The following IFT70B variants were observed in gnomAD, a reference collection of about 807,000 sequenced individuals.
The protein encoded by IFT70B is intraflagellar transport protein 70B.
the IFT70B span, chr2:177,552,097 G>A: frequency 1.2e-6 from 2 of 1,614,232 alleles, no homozygotes; most frequent in Non-Finnish European, 1.7e-6. Context: ...CCTAGCTCAG[G>A]GTGCTGGCGG....
the IFT70B span, chr2:177,552,729 C>G: frequency 6.3e-7 from 1 of 1,585,540 alleles, no homozygotes; most frequent in Non-Finnish European, 8.6e-7. Context: ...GGTGAACTCC[C>G]CGTCGGGGAT....
chr2:177,550,761 T>A, the IFT70B span: 5 of 1,579,794 alleles, frequency 3.2e-6, no homozygotes, highest in African/African-American at 6.8e-5. Context: ...CACTATCAGC[T>A]ATTACTATAT....
At chr2:177,550,598 T>C in the IFT70B span, 2 of 561,740 alleles carry the variant, frequency 3.6e-6, no homozygotes, top group South Asian at 3.4e-5. Context: ...TCTTAGAATA[T>C]GTCACTTTCT....
the IFT70B span, chr2:177,550,901 A>G: frequency 6.2e-7 from 1 of 1,614,126 alleles, no homozygotes; most frequent in Admixed American, 1.7e-5. Flanking sequence ...TTCTGCCATG[A>G]AGTTCACAGT....
At chr2:177,550,079 C>G in the IFT70B span, 1 of 152,152 alleles carries the variant, frequency 6.6e-6, no homozygotes, top group Non-Finnish European at 1.5e-5. Flanking sequence ...AAAAAGTTAT[C>G]ATGGAAAATA....
chr2:177,550,100 A>G, the IFT70B span: 1 of 152,240 alleles, frequency 6.6e-6, no homozygotes, highest in Non-Finnish European at 1.5e-5. Flanking sequence ...GTAACAGTGT[A>G]TCTTGTTCAT....
At chr2:177,549,169 T>C in the IFT70B span, 1 of 152,348 alleles carries the variant, frequency 6.6e-6, no homozygotes, top group South Asian at 2.1e-4. Context: ...TTCCCAGACA[T>C]TGAATGTGCT....
the IFT70B span, chr2:177,551,899 T>A: frequency 6.2e-7 from 1 of 1,614,150 alleles, no homozygotes; most frequent in Non-Finnish European, 8.5e-7. Flanking sequence ...TTGTGTAGGG[T>A]CACAGGGTCC....
At chr2:177,552,662 C>G in the IFT70B span, 1 of 1,590,730 alleles carries the variant, frequency 6.3e-7, no homozygotes, top group Non-Finnish European at 8.6e-7. Context: ...GTTCTCCGCC[C>G]AGCAGCTGCA....
At chr2:177,551,424 A>G in the IFT70B span, 1 of 1,614,192 alleles carries the variant, frequency 6.2e-7, no homozygotes, top group Non-Finnish European at 8.5e-7. Context: ...AGATTTGCGG[A>G]AGATCTTTTC....
the IFT70B span, chr2:177,550,836 T>A: frequency 7.4e-6 from 12 of 1,614,018 alleles, no homozygotes; most frequent in Non-Finnish European, 9.3e-6. Context: ...GACTGTATTC[T>A]TTCCAACATG....
chr2:177,552,439 G>A, the IFT70B span: 2 of 1,613,234 alleles, frequency 1.2e-6, no homozygotes, highest in Non-Finnish European at 1.7e-6. Flanking sequence ...TGGTAGGCGG[G>A]GTTATCCAGG....
At chr2:177,549,124 C>T in the IFT70B span, 1 of 152,134 alleles carries the variant, frequency 6.6e-6, no homozygotes, top group Non-Finnish European at 1.5e-5. Context: ...ACTGCAGCAA[C>T]ACTTTTAGTA....
the IFT70B span, chr2:177,551,792 G>A: frequency 3.1e-6 from 5 of 1,614,124 alleles, no homozygotes; most frequent in Non-Finnish European, 4.2e-6. Flanking sequence ...GCAACAGGTT[G>A]CCAAAAGTCT....
chr2:177,549,919 T>G, the IFT70B span: 1 of 152,308 alleles, frequency 6.6e-6, no homozygotes, highest in South Asian at 2.1e-4. Context: ...TTTGTGCCAG[T>G]AGTCCCAGCT....
At chr2:177,552,733 C>T in the IFT70B span, 3 of 1,581,424 alleles carry the variant, frequency 1.9e-6, no homozygotes, top group African/African-American at 1.3e-5. Flanking sequence ...AACTCCCCGT[C>T]GGGGATCTGC....
the IFT70B span, chr2:177,551,484 A>G: frequency 6.2e-7 from 1 of 1,614,300 alleles, no homozygotes; most frequent in African/African-American, 1.3e-5. Context: ...CTGAGCCATC[A>G]ACACAGGAAT....
chr2:177,551,039 G>C, the IFT70B span: 17 of 1,614,004 alleles, frequency 1.1e-5, no homozygotes, highest in African/African-American at 2.7e-5. Context: ...CCAGCTTTTT[G>C]TTGTAAGGTT....
At chr2:177,549,341 T>C in the IFT70B span, 2 of 152,220 alleles carry the variant, frequency 1.3e-5, no homozygotes, top group Non-Finnish European at 2.9e-5. Flanking sequence ...TATAATACAA[T>C]TTGAGCACTC....
Sources: allele counts gnomAD v4.1 joint callset, GRCh38; gene constraint gnomAD v4.1.1; transcripts MANE v1.5; gene names NCBI Gene and HGNC (gene_info 2026-07-23, HGNC 2026-07-21).